A1BG: variants seen among roughly 807,000 people sequenced by gnomAD.
A1BG encodes the protein alpha-1-B glycoprotein, also known as alpha-1B-glycoprotein.
Under a neutral mutation model 46.0 loss-of-function variants are expected in A1BG, and 44 were observed. The observed-to-expected ratio is 0.96, with a 90% CI of 0.75 to 1.23. The LOEUF (loss-of-function observed/expected upper bound fraction) is 1.23, where lower values mean the gene tolerates loss of function less well. Among genes scored for constraint, A1BG ranks in the 50% most tolerant of loss-of-function variants. The pLI is 0.00. For missense variants in A1BG, 707 were observed against 688.8 expected (o/e 1.03, Z -0.30); for synonymous variants, 316 against 314.7 (o/e 1.00, Z -0.04).
Position 58,352,566 on chromosome 19 carries a change from G to A in A1BG, c.341-11C>T, listed in dbSNP as rs750827392. The A allele has an allele frequency of 1.9e-6, 3 of 1,604,054 alleles. No individual in the cohort carries two copies. Among genetic ancestry groups the A allele is most frequent in the East Asian group, 2.2e-5 (1 of 44,850 alleles). ...GAGCAGGCAAGGACTCTGTGGGTGG[G>A]GTGGAGTTGAAGAGTGCTTCTGCAT... On this transcript the variant is annotated splice_polypyrimidine_tract_variant and intron_variant, in intron 3 of 7. Transcript: ENST00000263100.
Position 58,351,475 on chromosome 19 carries a change from G to A in A1BG, c.826C>T (p.His276Tyr), listed in dbSNP as rs1368122909. The A allele has an allele frequency of 7.4e-6, 12 of 1,613,416 alleles. No homozygotes were observed. The highest frequency in any genetic ancestry group is 9.3e-6 in the Non-Finnish European group (11 of 1,180,024). The change falls in exon 5 of 8, where the codon CAC (histidine) becomes TAC (tyrosine). Residue 276 changes from histidine (H) to tyrosine (Y), a missense_variant. Coordinates refer to ENST00000263100, the MANE Select transcript of A1BG (RefSeq NM_130786.4). The part of the protein sequence containing the change: ...LNAVALGDGG[H>Y]YTCRYRLHDN... ...TGCAGCCGGTAGCGGCAGGTGTAGT[G>A]ACCTCCATCCCCCAGGGCCACCGCG...
chr19:58,352,045 C>A, intron 4 of A1BG: 1 of 1,370,002 alleles, frequency 7.3e-7, no homozygotes, highest in Admixed American at 2.9e-5. Context: ...CCGCTGGCCT[C>A]AGCCTCCCAA....
In A1BG at chr19:58,353,070, G is replaced by C; in HGVS notation, c.198C>G (p.Ala66=). ...GTGAGTCAAGGTGCACAGGCTCCTGGGCCACCCCATTCTTGAACAGCTGGA... is the reference window on the plus strand; with the variant it reads ...GTGAGTCAAGGTGCACAGGCTCCTGCGCCACCCCATTCTTGAACAGCTGGA... ...PDFQLFKNGV[A]QEPVHLDSPA... Residue 66 remains alanine (A), a synonymous_variant, in exon 3 of 8, where the codon GCC becomes GCG. Transcript: ENST00000263100. The C allele has an allele frequency of 1.9e-6, 3 of 1,614,118 alleles. No homozygotes were observed. The highest frequency in any genetic ancestry group is 2.5e-6 in the Non-Finnish European group (3 of 1,180,032).
At chr19:58,352,011 G>C in intron 4 of A1BG, 1 of 1,152,256 alleles carries the variant, frequency 8.7e-7, no homozygotes, top group Non-Finnish European at 1.2e-6. Context: ...GGGTAGACTG[G>C]TCTCGATCTC....
chr19:58,352,212 C>A, intron 4 of A1BG, 71 bp downstream of exon 4: 1 of 1,569,306 alleles, frequency 6.4e-7, no homozygotes, highest in Non-Finnish European at 8.6e-7. Context: ...GCATGGAGGT[C>A]AGGATGAATG....
intron 6 of A1BG, chr19:58,350,069 T>C: frequency 2.9e-6 from 1 of 346,176 alleles, no homozygotes; most frequent in Non-Finnish European, 5.2e-6. Context: ...TGGCCAGTAA[T>C]AAAACAAGGC....
Position 58,353,488 on chromosome 19 carries a change from G to C in A1BG, c.-51C>G. 1 of 1,545,986 alleles carries C rather than the reference G, an allele frequency of 6.5e-7. No homozygotes were observed. The highest frequency in any genetic ancestry group is 8.7e-7 in the Non-Finnish European group (1 of 1,149,198). On this transcript the variant is annotated 5_prime_UTR_variant, in exon 1 of 8. Coordinates refer to ENST00000263100, the MANE Select transcript of A1BG (RefSeq NM_130786.4). ...TGAGTGTCTGGGGTGAGCGTCTGCA[G>C]CAATGAGGCCCCAAGGGAGGGCGGT...
At chr19:58,351,027 G>T in intron 5 of A1BG, 1 of 431,884 alleles carries the variant, frequency 2.3e-6, no homozygotes, top group South Asian at 3.5e-5. Flanking sequence ...GCTGGGCATG[G>T]GGTTCGCTGT....
At position 58,352,523 on chromosome 19, in the gene A1BG, G is replaced by A. The variant is rs1208485174; in HGVS notation, c.373C>T (p.Pro125Ser). ...SLPAPWLSMA[P>S]VSWITPGLKT... ...AGGCCGGGGGTGATCCAGGACACTG[G>A]CGCCATCGAGAGCCAGGGAGCAGGC... is the stretch of plus-strand genomic sequence containing the variant. Residue 125 changes from proline to serine, a missense_variant, in exon 4 of 8, where the codon CCA becomes TCA. Coordinates refer to ENST00000263100, the MANE Select transcript of A1BG (RefSeq NM_130786.4). 1 of 1,611,266 alleles carries A rather than the reference G, an allele frequency of 6.2e-7. No individual in the cohort carries two copies. Among genetic ancestry groups the A allele is most frequent in the Non-Finnish European group, 8.5e-7 (1 of 1,179,988 alleles).
At chr19:58,347,779 A>C (rs2051927213) in intron 6 of A1BG, 139 bp from the exon 7 acceptor site, 1 of 501,308 alleles carries the variant, frequency 2.0e-6, no homozygotes, top group Non-Finnish European at 3.0e-6. Context: ...TCCTGGGCGC[A>C]GAGGGCTCCT....
At chr19:58,351,063 C>A in intron 5 of A1BG, 1 of 476,206 alleles carries the variant, frequency 2.1e-6, no homozygotes, top group South Asian at 2.8e-5. Context: ...TGCTAAATAC[C>A]ATCAGGTCCA....
In A1BG at chr19:58,352,548, C is replaced by G. The variant is rs1240447793; in HGVS notation, c.348G>C (p.Leu116Phe). The change falls in exon 4 of 8, where the codon TTG becomes TTC. Residue 116 changes from leucine to phenylalanine, a missense_variant. Transcript: ENST00000263100. ...KLLELTGPKS[L>F]PAPWLSMAPV... ...GCGCCATCGAGAGCCAGGGAGCAGG[C>G]AAGGACTCTGTGGGTGGGGTGGAGT... The G allele has an allele frequency of 1.2e-6, 2 of 1,608,070 alleles. No individual in the cohort carries two copies. Among genetic ancestry groups the G allele is most frequent in the East Asian group, 2.2e-5 (1 of 44,868 alleles).
chr19:58,348,244 C>G (rs1342825141), intron 6 of A1BG, among the ~76,000 whole-genome samples: 1 of 152,156 alleles, frequency 6.6e-6, no homozygotes, highest in East Asian at 1.9e-4. Flanking sequence ...CCCAGCTACT[C>G]GGGAGGTGGA....
At chr19:58,349,084 C>G (rs2051935423) in intron 6 of A1BG, 1 of 151,144 alleles carries the variant, frequency 6.6e-6, no homozygotes, top group Admixed American at 6.6e-5. Flanking sequence ...AGTGGCATGA[C>G]CTGGACTCAC....
chr19:58,347,800 C>CA (rs2051927535), intron 6 of A1BG, 160 bp from the exon 7 acceptor site: 7 of 400,016 alleles, frequency 1.7e-5, no homozygotes, highest in Non-Finnish European at 2.1e-5. Context: ...CCGGCGCCGC[C>CA]GAGCTGCGCC....
chr19:58,347,750 T>C (rs1370533943), intron 6 of A1BG, 110 bp from the exon 7 acceptor site: 2 of 640,544 alleles, frequency 3.1e-6, no homozygotes, highest in Non-Finnish European at 4.4e-6. Flanking sequence ...CAGCCCCGGC[T>C]TCATCTTCCC....
chr19:58,353,354 C>A, intron 1 of A1BG, 27 bp from the exon 2 acceptor site: 3 of 1,610,390 alleles, frequency 1.9e-6, no homozygotes, highest in Non-Finnish European at 2.5e-6. Flanking sequence ...CGTAAGGCTC[C>A]TGTTCCCGCC....
chr19:58,347,677 C>CCCCAGGCCACG (rs1555779281), intron 6 of A1BG, 37 bp from the exon 7 acceptor site: 7 of 671,900 alleles, frequency 1.0e-5, no homozygotes, highest in Middle Eastern at 4.5e-4. Flanking sequence ...CCAGGCCACG[C>CCCCAGGCCACG]CCCAGGCCAC....
rs754226646 is a variant in A1BG at position 58,351,416 on chromosome 19, C to T, written c.885G>A (p.Ala295=). Residue 295 remains alanine, a synonymous_variant, in exon 5 of 8, where the codon GCG becomes GCA. Transcript: ENST00000263100. ...CATCGCTCAGAATCAGCTCGACCGG[C>T]GCGCTGTCCCCGGACCAGCCGTTTT... The part of the protein sequence containing the change: ...DNQNGWSGDS[A]PVELILSDET... 6 of 1,612,158 alleles carry T rather than the reference C, an allele frequency of 3.7e-6. No individual in the cohort carries two copies. Among genetic ancestry groups the T allele is most frequent in the Admixed American group, 1.7e-5 (1 of 60,004 alleles).
Sources: gnomAD v4.1 joint callset for allele counts (sites outside exome capture counted in the v4.1 genomes callset) on GRCh38, gnomAD v4.1.1 for gene constraint, MANE v1.5 for transcripts, NCBI Gene and HGNC (gene_info 2026-07-23, HGNC 2026-07-21) for gene names.